ANKRD31: variants seen among roughly 807,000 people sequenced by gnomAD.
ANKRD31 encodes the protein ankyrin repeat domain-containing protein 31.
A neutral mutation model predicts 186.0 loss-of-function variants in ANKRD31; 147 were observed. The ratio of observed to expected loss-of-function variants is 0.79; its 90% CI spans 0.69 to 0.91. ANKRD31 has a LOEUF of 0.91. Among genes scored for constraint, ANKRD31 ranks in the 40% least tolerant of loss-of-function variants. The pLI, the probability that ANKRD31 is intolerant of heterozygous loss-of-function variation, is 0.00. For missense variants in ANKRD31, 1,986 were observed against 2,148.8 expected (o/e 0.92, Z 1.50); for synonymous variants, 673 against 736.4 (o/e 0.91, Z 1.39).
In ANKRD31 at chr5:75,104,976, T is replaced by G; in HGVS notation, c.4583A>C (p.Gln1528Pro). ...AGAAACAGGAGAAAGTGAACCTGATTGGGGATGCTCTAAATTTTCCAGACT... is the reference window on the plus strand; with the variant it reads ...AGAAACAGGAGAAAGTGAACCTGATGGGGGATGCTCTAAATTTTCCAGACT... ...LTSLENLEHPQSGSLSPVSGS... is the reference protein window; with the variant it reads ...LTSLENLEHPPSGSLSPVSGS... Residue 1528 changes from glutamine (Q) to proline (P), a missense_variant, in exon 22 of 26, where the codon CAA (glutamine) becomes CCA (proline). Gln to Pro is a moderately conservative substitution (Grantham distance 76). Transcript: ENST00000506364. 1 of 1,537,118 alleles carries G rather than the reference T, an allele frequency of 6.5e-7. No homozygotes were observed. The highest frequency in any genetic ancestry group is 1.2e-5 in the South Asian group (1 of 84,052).
chr5:75,209,749 GA>G (rs1232934406), intron 4 of ANKRD31, among the ~76,000 whole-genome samples: 1 of 152,098 alleles, frequency 6.6e-6, no homozygotes, highest in Non-Finnish European at 1.5e-5. Flanking sequence ...TCATCACACA[GA>G]ATATTAAAAA....
chr5:75,175,031 A>G (rs1025537804), intron 10 of ANKRD31, among the ~76,000 whole-genome samples: 3 of 152,240 alleles, frequency 2.0e-5, no homozygotes, highest in Non-Finnish European at 2.9e-5. Flanking sequence ...CATATACACC[A>G]TGGAATACTA....
intron 22 of ANKRD31, among the ~76,000 whole-genome samples, chr5:75,098,138 G>A (rs558990228): frequency 9.4e-4 from 143 of 151,962 alleles, no homozygotes; most frequent in African/African-American, 3.0e-3. Context: ...GACTACAGGC[G>A]CCCACCACCA....
chr5:75,173,063 G>A (rs1580479211), intron 10 of ANKRD31, among the ~76,000 whole-genome samples: 1 of 152,186 alleles, frequency 6.6e-6, no homozygotes, highest in East Asian at 1.9e-4. Flanking sequence ...TTCATCACTG[G>A]GATGCAAAGC....
chr5:75,107,603 T>C lies in ANKRD31; in HGVS notation c.4258A>G (p.Lys1420Glu). 6.6e-7 allele frequency: 1 copy of C among 1,519,326 alleles called. No individual in the cohort carries two copies. Among genetic ancestry groups the C allele is most frequent in the Non-Finnish European group, 8.8e-7 (1 of 1,135,778 alleles). 94.1% of individuals were successfully genotyped at this position (1,519,326 alleles called of 1,614,324 possible). The change falls in exon 21 of 26, where the codon AAG (lysine) becomes GAG (glutamate). Residue 1420 changes from lysine to glutamate, a missense_variant. Transcript: ENST00000506364. Reference protein sequence around the residue: ...NPEDAEQYIEKMLKIKKIMDN... With the variant: ...NPEDAEQYIEEMLKIKKIMDN... ...ATAATCTTTTTTATCTTTAACATCT[T>C]TTCAATGTATTGTTCTAGAAACATG...
chr5:75,182,085 T>C (rs111702117), intron 10 of ANKRD31, among the ~76,000 whole-genome samples: 275 of 152,292 alleles, frequency 1.8e-3, no homozygotes, highest in African/African-American at 5.7e-3. Context: ...ATAGTAGGTA[T>C]ATGGATAAAT....
At chr5:75,183,351 T>C (rs978362613) in intron 10 of ANKRD31, among the ~76,000 whole-genome samples, 6 of 152,174 alleles carry the variant, frequency 3.9e-5, no homozygotes, top group Admixed American at 1.3e-4. Flanking sequence ...CTTTAAGATC[T>C]GGAAAAAGAC....
Position 75,236,836 on chromosome 5 carries a change from G to T in ANKRD31, c.-150C>A. ...AGCCGGGACTTGTCGCAGGGCTGCT[G>T]AGGAGGACGCAGGCGGCCGCGAGCG... is the stretch of plus-strand genomic sequence containing the variant. On this transcript the variant is annotated 5_prime_UTR_variant, in exon 1 of 26. Coordinates refer to ENST00000506364, the MANE Select transcript of ANKRD31 (RefSeq NM_001372053.1). 1.5e-6 allele frequency: 1 copy of T among 654,224 alleles called. No homozygotes were observed. Among genetic ancestry groups the T allele is most frequent in the Non-Finnish European group, 2.4e-6 (1 of 420,742 alleles). The allele number at this position is 654,224 out of a possible 1,614,324, so 40.5% of individuals were successfully genotyped here.
intron 24 of ANKRD31, among the ~76,000 whole-genome samples, chr5:75,083,599 G>A (rs918238520): frequency 4.6e-5 from 7 of 151,974 alleles, no homozygotes; most frequent in Non-Finnish European, 1.5e-5. Context: ...GCCTGGTAGT[G>A]TGCACCTGTA....
Position 75,105,125 on chromosome 5 carries a change from T to G in ANKRD31, c.4434A>C (p.Lys1478Asn). Residue 1478 changes from lysine to asparagine, a missense_variant, in exon 22 of 26, where the codon AAA becomes AAC. Lys to Asn is a moderately conservative substitution (Grantham distance 94, BLOSUM62 0). Transcript: ENST00000506364. The part of the protein sequence containing the change: ...RQKSLLVVAK[K>N]QKKISLKIQN... ...GAATTTTCAGGCTTATTTTTTTCTG[T>G]TTTTTTGCCACAACTAAAAGGCTCT... is the stretch of plus-strand genomic sequence containing the variant. 5.2e-6 allele frequency: 8 copies of G among 1,536,892 alleles called. No homozygotes were observed. Among genetic ancestry groups the G allele is most frequent in the Non-Finnish European group, 7.0e-6 (8 of 1,146,792 alleles).
intron 1 of ANKRD31, among the ~76,000 whole-genome samples, chr5:75,235,268 T>TA (rs1481177179): frequency 5.3e-5 from 7 of 131,966 alleles, no homozygotes; most frequent in African/African-American, 2.1e-4. Flanking sequence ...TTTTTTGAGA[T>TA]AGAGTCTCAC....
intron 17 of ANKRD31, among the ~76,000 whole-genome samples, chr5:75,119,386 G>A (rs937997988): frequency 1.3e-5 from 2 of 152,162 alleles, no homozygotes; most frequent in African/African-American, 4.8e-5. Flanking sequence ...AATTCACTCA[G>A]AATAATGGCC....
intron 5 of ANKRD31, among the ~76,000 whole-genome samples, chr5:75,205,760 C>G (rs1273714608): frequency 6.6e-6 from 1 of 152,020 alleles, no homozygotes; most frequent in East Asian, 1.9e-4. Flanking sequence ...TATCATTAAA[C>G]ACTATAAATA....
intron 22 of ANKRD31, among the ~76,000 whole-genome samples, chr5:75,101,600 C>T (rs1202197952): frequency 1.3e-5 from 2 of 152,136 alleles, no homozygotes; most frequent in Admixed American, 6.6e-5. Flanking sequence ...CATATAGTCC[C>T]ATAGTTCTTG....
At chr5:75,156,832 T>A (rs1014183771) in intron 11 of ANKRD31, among the ~76,000 whole-genome samples, 17 of 152,200 alleles carry the variant, frequency 1.1e-4, no homozygotes, top group Non-Finnish European at 2.5e-4. Context: ...CAAGCCCCAC[T>A]GATATCTTGA....
chr5:75,160,766 T>C (rs1189504680), intron 11 of ANKRD31, among the ~76,000 whole-genome samples: 3 of 152,190 alleles, frequency 2.0e-5, no homozygotes, highest in Admixed American at 6.5e-5. Flanking sequence ...TGGGAGATAA[T>C]TGAATCATGG....
At chr5:75,211,332 T>TTTTTTTTTTTTTTTTTTTTTTTTTG (rs1470101753) in intron 3 of ANKRD31, among the ~76,000 whole-genome samples, 1 of 152,256 alleles carries the variant, frequency 6.6e-6, no homozygotes, top group Non-Finnish European at 1.5e-5. Context: ...TCTTCCATTT[T>TTTTTTTTTTTTTTTTTTTTTTTTTG]AAGACTGAAT....
intron 17 of ANKRD31, among the ~76,000 whole-genome samples, chr5:75,131,581 G>A (rs765547682): frequency 6.6e-5 from 10 of 152,190 alleles, no homozygotes; most frequent in Non-Finnish European, 1.3e-4. Flanking sequence ...CCACCTCTGG[G>A]GGCAAGGCAT....
chr5:75,200,062 G>T (rs952218271), intron 5 of ANKRD31, among the ~76,000 whole-genome samples: 4 of 152,084 alleles, frequency 2.6e-5, no homozygotes, highest in African/African-American at 9.7e-5. Context: ...AACTCATGCT[G>T]TCTGGAGTTA....
Sources: allele counts gnomAD v4.1 joint callset (sites outside exome capture counted in the v4.1 genomes callset), GRCh38; gene constraint gnomAD v4.1.1; transcripts MANE v1.5; gene names NCBI Gene and HGNC (gene_info 2026-07-23, HGNC 2026-07-21).